Variants in MCPH1 observed in about 807,000 individuals in gnomAD.
MCPH1 encodes microcephalin.
A neutral mutation model predicts 84.5 loss-of-function variants in MCPH1; 104 were observed. The ratio of observed to expected loss-of-function variants is 1.23; its 90% CI spans 1.05 to 1.45. The LOEUF (loss-of-function observed/expected upper bound fraction) is 1.45. MCPH1 is among the 40% of genes most tolerant of loss of function. The probability of loss-of-function intolerance (pLI) is 0.00; values close to 1 mark genes in which losing one functional copy is unlikely to be tolerated. For synonymous variants in MCPH1, 514 were observed against 366.8 expected, an observed-to-expected ratio of 1.40 and a Z score of -4.58; for missense variants, 1,498 against 1,005.7, an observed-to-expected ratio of 1.49 and a Z score of -6.62.
At position 6,474,546 on chromosome 8, in the gene MCPH1, T is replaced by C. The variant is rs1003874667; in HGVS notation, c.1936-3048T>C. 2.0e-5 allele frequency among the ~76,000 whole-genome samples: 3 copies of C among 152,176 alleles called. No individual in the cohort carries two copies. In the South Asian group the frequency reaches 6.2e-4, roughly 32 times the overall value. On this transcript the variant is annotated intron_variant, in intron 9 of 13. Coordinates refer to ENST00000344683, the MANE Select transcript of MCPH1 (RefSeq NM_024596.5). ...CTCAAAAGTAAATAAATAAATAATT[T>C]AAAAAATTATTGTTAAAAAAAGTTT...
intron 1 of MCPH1, chr8:6,406,959 C>G (rs1477491024): frequency 1.9e-6 from 1 of 528,662 alleles, no homozygotes; most frequent in East Asian, 3.6e-5. Context: ...AAACCCCCGA[C>G]TGCCTGCTTC....
intron 8 of MCPH1, chr8:6,446,066 C>T: frequency 1.0e-5 from 10 of 980,432 alleles, no homozygotes; most frequent in Non-Finnish European, 1.2e-5. Context: ...TCAGTGTTAA[C>T]TATGAAGAAA....
Position 6,646,442 on chromosome 8 carries a change from G to T in MCPH1, c.*3393G>T, listed in dbSNP as rs527873112. 1.1e-4 allele frequency: 16 copies of T among 152,214 alleles called. No individual in the cohort carries two copies. Among genetic ancestry groups the T allele is most frequent in the Admixed American group, 9.8e-4 (15 of 15,290 alleles). The allele number at this position is 152,214 out of a possible 1,614,324, so 9.4% of individuals were successfully genotyped here. On this transcript the variant is annotated 3_prime_UTR_variant, in exon 14 of 14. Transcript: ENST00000344683. ...TCAAATAACAAAATAGAGAATTCAG[G>T]TATAAATCTTCATATTTATGGCTGA...
intron 12 of MCPH1, among the ~76,000 whole-genome samples, chr8:6,567,901 GC>G (rs1409566730): frequency 6.6e-6 from 1 of 152,200 alleles, no homozygotes; most frequent in Non-Finnish European, 1.5e-5. Context: ...AAATCCACCT[GC>G]CTACCCACCC....
chr8:6,480,196 T>C (rs1164177930), intron 10 of MCPH1, among the ~76,000 whole-genome samples: 2 of 151,408 alleles, frequency 1.3e-5, no homozygotes, highest in East Asian at 3.9e-4. Context: ...CGATCGCGGC[T>C]CACTGCAACC....
chr8:6,444,933 C>T lies in MCPH1; in HGVS notation c.1211C>T (p.Ala404Val), dbSNP rs756553153. The change falls in exon 8 of 14, where the codon GCT (alanine) becomes GTT (valine). Residue 404 changes from alanine (A) to valine (V), a missense_variant. By Grantham distance (64) the Ala-to-Val change is moderately conservative. Transcript: ENST00000344683. The stretch of plus-strand genomic sequence containing the variant: ...CACGTGGCGGGACCTGCCCTGGAGG[C>T]TCTTAGCTGTGGGGAGTCTTCATAT... ...LQHVAGPALEALSCGESSYDD... is the reference protein window; with the variant it reads ...LQHVAGPALEVLSCGESSYDD... 3.3e-5 allele frequency: 53 copies of T among 1,614,140 alleles called. No individual in the cohort carries two copies. In the Admixed American group the frequency reaches 5.3e-4, roughly 16 times the overall value.
rs115448192 is a variant in MCPH1 at position 6,513,204 on chromosome 8, C to T, written c.2214+13275C>T. Among the ~76,000 whole-genome samples the T allele has an allele frequency of 9.9e-3, 1,503 of 152,144 alleles. 27 individuals carry two copies. Among genetic ancestry groups the T allele is most frequent in the African/African-American group, 0.034 (1,415 of 41,506 alleles). ...GAAGTTTCTTTTATATTGTTATAACCAAAGTTAGAATTTTAAACCCAGAGA... is the reference window on the plus strand; with the variant it reads ...GAAGTTTCTTTTATATTGTTATAACTAAAGTTAGAATTTTAAACCCAGAGA... On this transcript the variant is annotated intron_variant, in intron 12 of 13. Transcript: ENST00000344683.
intron 12 of MCPH1, among the ~76,000 whole-genome samples, chr8:6,504,237 G>T: frequency 6.9e-6 from 1 of 144,644 alleles, no homozygotes; most frequent in Middle Eastern, 3.5e-3. Context: ...AGAATGGCGT[G>T]AACCCGGGAG....
At chr8:6,434,257 C>G (rs1159595188) in intron 4 of MCPH1, among the ~76,000 whole-genome samples, 4 of 152,294 alleles carry the variant, frequency 2.6e-5, no homozygotes, top group African/African-American at 7.2e-5. Flanking sequence ...ACCTGAGAAC[C>G]AGGAAGCGCA....
chr8:6,621,359 T>C (rs1831390839), intron 12 of MCPH1, 95 bp from the exon 13 acceptor site: 2 of 1,468,028 alleles, frequency 1.4e-6, no homozygotes, highest in African/African-American at 2.8e-5. Flanking sequence ...AGTCTATTCT[T>C]TTCATAAAAA....
At chr8:6,470,221 T>A (rs1383760153) in intron 9 of MCPH1, among the ~76,000 whole-genome samples, 1 of 152,174 alleles carries the variant, frequency 6.6e-6, no homozygotes, top group Non-Finnish European at 1.5e-5. Flanking sequence ...CCTGGAGCTG[T>A]CCATATAATA....
intron 9 of MCPH1, among the ~76,000 whole-genome samples, chr8:6,459,708 G>T (rs768972554): frequency 6.6e-6 from 1 of 152,192 alleles, no homozygotes; most frequent in Non-Finnish European, 1.5e-5. Context: ...GATGTGTCCC[G>T]TGGCCCTAAT....
Position 6,439,010 on chromosome 8 carries a change from C to A in MCPH1, c.494C>A (p.Thr165Lys). 2 of 1,609,620 alleles carry A rather than the reference C, an allele frequency of 1.2e-6. No individual in the cohort carries two copies. The highest frequency in any genetic ancestry group is 2.2e-5 in the South Asian group (2 of 90,974). ...ESNGSLIYTP[T>K]IEINSRHHSA... The stretch of plus-strand genomic sequence containing the variant: ...AATGGTTCATTAATATATACTCCCA[C>A]AATTGAAATTAATAGTAGGCACCAC... The change falls in exon 6 of 14, where the codon ACA becomes AAA. Residue 165 changes from threonine (T) to lysine (K), a missense_variant. Physicochemically the swap from Thr to Lys is moderately conservative, Grantham distance 78. Transcript: ENST00000344683.
chr8:6,627,760 GCAAGCCTATAGTTCCAGCTACA>G (rs1796855033), intron 13 of MCPH1, among the ~76,000 whole-genome samples: 1 of 152,092 alleles, frequency 6.6e-6, no homozygotes, highest in African/African-American at 2.4e-5. Flanking sequence ...GCATGGTGGT[GCAAGCCTATAGTTCCAGCTACA>G]TGAGAGGCTA....
At chr8:6,622,012 C>T (rs1831480120) in intron 13 of MCPH1, 1 of 412,106 alleles carries the variant, frequency 2.4e-6, no homozygotes. Context: ...CCGGGCACCC[C>T]TCTTAGACCC....
intron 12 of MCPH1, among the ~76,000 whole-genome samples, chr8:6,587,710 T>C (rs116525352): frequency 0.022 from 3,348 of 152,316 alleles, 126 homozygotes; most frequent in African/African-American, 0.077. Flanking sequence ...TTTATAAGAA[T>C]GCAGTATTAC....
Position 6,625,728 on chromosome 8 carries a change from G to A in MCPH1, c.2452+4037G>A, listed in dbSNP as rs557386254. On this transcript the variant is annotated intron_variant, in intron 13 of 13. Coordinates refer to ENST00000344683, the MANE Select transcript of MCPH1 (RefSeq NM_024596.5). ...GAGCCCATAAGTTCAAGGCTGCGGT[G>A]AGCAACGATCCCACCACTGTACTCC... 83 of 977,672 alleles carry A rather than the reference G, an allele frequency of 8.5e-5. 1 individual carries two copies. In the South Asian group the frequency reaches 3.4e-3, roughly 40 times the overall value. The allele number at this position is 977,672 out of a possible 1,614,324, so 60.6% of individuals were successfully genotyped here. A position where few individuals can be genotyped will look rare whatever the true frequency, so the allele number is the denominator to read the frequency against.
At chr8:6,425,375 A>G (rs1229192059) in intron 3 of MCPH1, among the ~76,000 whole-genome samples, 1 of 152,202 alleles carries the variant, frequency 6.6e-6, no homozygotes, top group Non-Finnish European at 1.5e-5. Flanking sequence ...TGTTCAGTAG[A>G]TTTTGGTTGG....
At chr8:6,428,366 C>G (rs569414921) in intron 3 of MCPH1, among the ~76,000 whole-genome samples, 5 of 152,298 alleles carry the variant, frequency 3.3e-5, no homozygotes, top group Admixed American at 3.3e-4. Flanking sequence ...CCATTATAAT[C>G]TTATGTGATC....
Sources: allele counts gnomAD v4.1 joint callset (sites outside exome capture counted in the v4.1 genomes callset), GRCh38; gene constraint gnomAD v4.1.1; transcripts MANE v1.5; gene names NCBI Gene and HGNC (gene_info 2026-07-23, HGNC 2026-07-21).